MARK3: variants seen among roughly 807,000 people sequenced by gnomAD.
The protein encoded by MARK3 is MAP/microtubule affinity-regulating kinase 3.
A neutral mutation model predicts 90.1 loss-of-function variants in MARK3; 46 were observed. That is an observed-to-expected ratio of 0.51 (90% confidence interval 0.40 to 0.65). MARK3 has a LOEUF of 0.65. MARK3 is among the 30% of genes least tolerant of loss of function. The pLI is 0.00. For missense variants in MARK3, 818 were observed against 947.2 expected (o/e 0.86, Z 1.79); for synonymous variants, 321 against 332.6 (o/e 0.97, Z 0.38).
At chr14:103,451,024 T>C (rs998471571) in intron 4 of MARK3, among the ~76,000 whole-genome samples, 1 of 145,660 alleles carries the variant, frequency 6.9e-6, no homozygotes, top group Non-Finnish European at 1.5e-5. Context: ...TCCACCACAC[T>C]GGCTCAGGCC....
At chr14:103,416,999 A>C (rs1255322689) in intron 2 of MARK3, among the ~76,000 whole-genome samples, 1 of 152,186 alleles carries the variant, frequency 6.6e-6, no homozygotes, top group East Asian at 1.9e-4. Context: ...GAGTGAATGG[A>C]CTAGAGAAAT....
intron 3 of MARK3, among the ~76,000 whole-genome samples, chr14:103,430,621 G>A (rs774900884): frequency 9.2e-5 from 14 of 151,994 alleles, no homozygotes; most frequent in South Asian, 4.2e-4. Flanking sequence ...CACCACTACC[G>A]AAAAAGGTGG....
chr14:103,442,941 G>GA (rs2092895382), intron 3 of MARK3, among the ~76,000 whole-genome samples: 1 of 114,174 alleles, frequency 8.8e-6, no homozygotes, highest in Non-Finnish European at 1.9e-5. Flanking sequence ...TTTGGTGGGT[G>GA]TCCCCCCCCC....
intron 14 of MARK3, among the ~76,000 whole-genome samples, chr14:103,487,824 G>A (rs1221580813): frequency 6.6e-6 from 1 of 152,128 alleles, no homozygotes; most frequent in Non-Finnish European, 1.5e-5. Flanking sequence ...TGAGCCGGGT[G>A]GATCACGAGG....
intron 2 of MARK3, among the ~76,000 whole-genome samples, chr14:103,420,293 A>G (rs570750835): frequency 7.9e-5 from 12 of 152,156 alleles, no homozygotes; most frequent in African/African-American, 1.2e-4. Flanking sequence ...CAGTGGTGCA[A>G]TCTTGGCTCA....
intron 14 of MARK3, among the ~76,000 whole-genome samples, chr14:103,487,158 C>G (rs75864826): frequency 0.29 from 43,223 of 150,140 alleles, 7,245 homozygotes; most frequent in Non-Finnish European, 0.36. Flanking sequence ...CTCAAGCAAT[C>G]CACCCGCCTC....
intron 1 of MARK3, among the ~76,000 whole-genome samples, chr14:103,402,146 G>T (rs1473460761): frequency 6.6e-6 from 1 of 152,168 alleles, no homozygotes; most frequent in African/African-American, 2.4e-5. Context: ...AACACAAAAA[G>T]CCTGTCCTTG....
chr14:103,475,989 C>T (rs1031425858), intron 13 of MARK3, among the ~76,000 whole-genome samples: 4 of 152,064 alleles, frequency 2.6e-5, no homozygotes, highest in African/African-American at 4.8e-5. Context: ...GCGGAGCCCT[C>T]GTGGCCTAAA....
At chr14:103,411,531 A>G (rs12896612) in intron 2 of MARK3, among the ~76,000 whole-genome samples, 43,301 of 151,956 alleles carry the variant, frequency 0.28, 7,263 homozygotes, top group Non-Finnish European at 0.36. Flanking sequence ...CTGTTTATTT[A>G]GTCCTATACC....
At chr14:103,498,130 T>C (rs1411415226) in intron 15 of MARK3, among the ~76,000 whole-genome samples, 4 of 151,822 alleles carry the variant, frequency 2.6e-5, no homozygotes, top group African/African-American at 9.7e-5. Context: ...GGCACAAGAA[T>C]TGCTTCAACC....
At chr14:103,457,096 A>G (rs2141420450) in intron 5 of MARK3, 46 bp from the exon 6 acceptor site, 1 of 1,151,696 alleles carries the variant, frequency 8.7e-7, no homozygotes, top group Non-Finnish European at 1.3e-6. Flanking sequence ...GAAAATTAAT[A>G]CTCAGAAGTA....
chr14:103,486,833 A>G (rs1159500381), intron 14 of MARK3, among the ~76,000 whole-genome samples: 2 of 152,062 alleles, frequency 1.3e-5, no homozygotes, highest in South Asian at 2.1e-4. Context: ...GCTTTGTGAA[A>G]CTCATGATGT....
Position 103,462,392 on chromosome 14 carries a change from C to G in MARK3, c.484-13C>G. On this transcript the variant is annotated splice_polypyrimidine_tract_variant and intron_variant, in intron 6 of 17. Transcript: ENST00000429436. ...GCACCAGTGATGACTGACTCTGCGT[C>G]TCTCCTATTCAGATTGTGTCTGCAG... is the stretch of plus-strand genomic sequence containing the variant. The G allele has an allele frequency of 6.3e-7, 1 of 1,583,328 alleles. No homozygotes were observed. Among genetic ancestry groups the G allele is most frequent in the Non-Finnish European group, 8.7e-7 (1 of 1,155,040 alleles).
At chr14:103,450,875 A>ATGTGT (rs1290999020) in intron 4 of MARK3, among the ~76,000 whole-genome samples, 4 of 114,878 alleles carry the variant, frequency 3.5e-5, no homozygotes, top group African/African-American at 1.3e-4. Flanking sequence ...TCATTTTTAA[A>ATGTGT]GTGTGTGTGT....
chr14:103,475,885 A>G (rs1386774439), intron 13 of MARK3, among the ~76,000 whole-genome samples: 2 of 151,804 alleles, frequency 1.3e-5, no homozygotes, highest in Non-Finnish European at 2.9e-5. Flanking sequence ...CAGAGGTTAC[A>G]GTGAGCCGAG....
chr14:103,493,638 G>A (rs2075137792), intron 15 of MARK3, among the ~76,000 whole-genome samples: 1 of 151,946 alleles, frequency 6.6e-6, no homozygotes, highest in Admixed American at 6.6e-5. Context: ...ACTTTGGGAG[G>A]CCAAGGCGGG....
In MARK3 at chr14:103,491,997, A is replaced by C. The variant is rs1393780238; in HGVS notation, c.1807A>C (p.Asn603His). The change falls in exon 15 of 18, where the codon AAT becomes CAT. Residue 603 changes from asparagine to histidine, a missense_variant. Asn to His is a moderately conservative substitution (Grantham distance 68, BLOSUM62 1). Around this residue, in one of 3 missense-constraint regions of MARK3, gnomAD observed 560 missense variants for 613.5 expected, o/e 0.91. Transcript: ENST00000429436. ...LSQTRSRGSTNLFSKLTSKLT... is the reference protein window; with the variant it reads ...LSQTRSRGSTHLFSKLTSKLT... ...CCAGACTCGAAGCCGAGGCTCCACT[A>C]ATCTCTTTAGTAAATTAACTTCAAA... 6.2e-6 allele frequency: 10 copies of C among 1,614,118 alleles called. No homozygotes were observed. The highest frequency in any genetic ancestry group is 5.9e-6 in the Non-Finnish European group (7 of 1,180,020).
intron 2 of MARK3, among the ~76,000 whole-genome samples, chr14:103,421,864 G>A (rs1357855813): frequency 6.6e-6 from 1 of 151,968 alleles, no homozygotes; most frequent in East Asian, 1.9e-4. Context: ...TTTAACCAAT[G>A]TCCTCATTAT....
intron 14 of MARK3, among the ~76,000 whole-genome samples, chr14:103,487,544 AGACTTTG>A (rs2093951376): frequency 6.6e-6 from 1 of 151,880 alleles, no homozygotes; most frequent in Non-Finnish European, 1.5e-5. Context: ...CCTTCTCCAA[AGACTTTG>A]GGACCATTTG....
Sources: gnomAD v4.1 joint callset for allele counts (sites outside exome capture counted in the v4.1 genomes callset) on GRCh38, gnomAD v4.1.1 for gene constraint, gnomAD v4.1.1 regional missense constraint, MANE v1.5 for transcripts, NCBI Gene and HGNC (gene_info 2026-07-23, HGNC 2026-07-21) for gene names.